Variants in KIF6 observed in about 807,000 individuals in gnomAD.
KIF6 encodes kinesin family member 6.
KIF6 carries 106 observed loss-of-function variants against 112.7 expected under a neutral mutation model. The ratio of observed to expected loss-of-function variants is 0.94; its 90% CI spans 0.80 to 1.11. The LOEUF (loss-of-function observed/expected upper bound fraction) is 1.11. Among genes scored for constraint, KIF6 ranks in the 50% least tolerant of loss-of-function variants. The probability of loss-of-function intolerance (pLI) is 0.00; values close to 1 mark genes in which losing one functional copy is unlikely to be tolerated. For missense variants in KIF6, 929 were observed against 964.0 expected (o/e 0.96, Z 0.48); for synonymous variants, 339 against 339.9 (o/e 1.00, Z 0.03).
At chr6:39,524,963 T>C (rs956907474) in intron 13 of KIF6, among the ~76,000 whole-genome samples, 2 of 152,310 alleles carry the variant, frequency 1.3e-5, no homozygotes, top group African/African-American at 4.8e-5. Context: ...AAATTATCTG[T>C]GTTCTGACTC....
intron 16 of KIF6, among the ~76,000 whole-genome samples, chr6:39,374,179 A>G (rs1049585901): frequency 6.6e-6 from 1 of 152,184 alleles, no homozygotes; most frequent in African/African-American, 2.4e-5. Context: ...CCACATGCTC[A>G]AGAATAAAAT....
At chr6:39,522,581 A>T (rs1777458785) in intron 13 of KIF6, among the ~76,000 whole-genome samples, 1 of 152,150 alleles carries the variant, frequency 6.6e-6, no homozygotes, top group African/African-American at 2.4e-5. Context: ...GCCTGCCCCT[A>T]CACTCTCTGA....
chr6:39,590,761 T>C (rs1781907837), intron 7 of KIF6, among the ~76,000 whole-genome samples: 1 of 152,116 alleles, frequency 6.6e-6, no homozygotes, highest in Non-Finnish European at 1.5e-5. Flanking sequence ...CCTGTTGATA[T>C]TAAATTAAAT....
At chr6:39,397,001 C>T (rs1421168952) in intron 15 of KIF6, among the ~76,000 whole-genome samples, 1 of 152,168 alleles carries the variant, frequency 6.6e-6, no homozygotes, top group Non-Finnish European at 1.5e-5. Context: ...GCCCAGCAGA[C>T]TTTGCTGAAG....
At chr6:39,605,316 C>A (rs1473218049) in intron 6 of KIF6, among the ~76,000 whole-genome samples, 1 of 151,836 alleles carries the variant, frequency 6.6e-6, no homozygotes, top group Non-Finnish European at 1.5e-5. Context: ...GAATTTTTTT[C>A]TTTTTTCTCT....
chr6:39,647,195 G>GC (rs1201193906), intron 3 of KIF6, among the ~76,000 whole-genome samples: 1 of 152,152 alleles, frequency 6.6e-6, no homozygotes, highest in Admixed American at 6.5e-5. Flanking sequence ...AAAATTTCCA[G>GC]CAAGATTTTG....
rs563412351 is a variant in KIF6, at chr6:39,437,065, T to G, written c.1646-5904A>C. Among the ~76,000 whole-genome samples, 7 of 152,314 alleles carry G rather than the reference T, an allele frequency of 4.6e-5. No homozygotes were observed. The East Asian group carries it at 5.8e-4, about 13-fold the overall frequency. On this transcript the variant is annotated intron_variant, in intron 13 of 22. Transcript: ENST00000287152. ...TTTCATCAGTATTTTGTAGTTCTCCTTGTAGAGATTTTTCACCTCATTTGT... is the reference window on the plus strand; with the variant it reads ...TTTCATCAGTATTTTGTAGTTCTCCGTGTAGAGATTTTTCACCTCATTTGT...
chr6:39,703,079 C>CT (rs1301835715), intron 3 of KIF6, among the ~76,000 whole-genome samples: 1 of 41,854 alleles, frequency 2.4e-5, no homozygotes, highest in Non-Finnish European at 7.6e-5. Context: ...CCACCAACCC[C>CT]CCACCCCCAC....
intron 3 of KIF6, among the ~76,000 whole-genome samples, chr6:39,655,281 GT>G (rs1380859135): frequency 6.6e-6 from 1 of 152,024 alleles, no homozygotes; most frequent in Non-Finnish European, 1.5e-5. Context: ...GGAACTGCCT[GT>G]TAATGTCCTT....
rs138539225 is a variant in KIF6, at chr6:39,708,648, A to G, written c.251+6044T>C. 9.4e-4 allele frequency among the ~76,000 whole-genome samples: 143 copies of G among 152,328 alleles called. 1 individual carries two copies. The highest frequency in any genetic ancestry group is 3.1e-3 in the African/African-American group (130 of 41,574). Reference sequence around the variant, plus strand: ...TCACTGCACATAAAGTAAATTTCCTACACCCCAAGCTTTTAGGTAAAACAT... The same window carrying G: ...TCACTGCACATAAAGTAAATTTCCTGCACCCCAAGCTTTTAGGTAAAACAT... On this transcript the variant is annotated intron_variant, in intron 3 of 22. Transcript: ENST00000287152.
intron 16 of KIF6, among the ~76,000 whole-genome samples, chr6:39,369,051 T>C (rs181732722): frequency 6.6e-6 from 1 of 152,318 alleles, no homozygotes; most frequent in Admixed American, 6.5e-5. Context: ...CACACAACCA[T>C]AGATCACTTC....
chr6:39,540,009 T>A lies in KIF6; in HGVS notation c.1639A>T (p.Lys547Ter). The A allele has an allele frequency of 6.3e-7, 1 of 1,599,036 alleles. No individual in the cohort carries two copies. The highest frequency in any genetic ancestry group is 8.5e-7 in the Non-Finnish European group (1 of 1,174,306). The part of the protein sequence containing the change: ...LGKRSSLLHK[K>*]IGMREEMSLG... ...GGAAATTTAGTCAACTGACCTATTT[T>A]CTTGTGGAGCAAACTGGATCTTTTC... The change falls in exon 13 of 23, where the codon AAA becomes TAA. Residue 547 changes from lysine (K) to a stop codon, truncating the protein, a stop_gained. Transcript: ENST00000287152. LOFTEE classifies it high-confidence loss of function.
intron 15 of KIF6, among the ~76,000 whole-genome samples, chr6:39,392,533 G>A (rs751886582): frequency 4.6e-5 from 7 of 152,120 alleles, no homozygotes; most frequent in African/African-American, 9.7e-5. Context: ...TCTTTAAAAA[G>A]AATAAGAAAT....
At chr6:39,462,354 C>G (rs766047842) in intron 13 of KIF6, among the ~76,000 whole-genome samples, 3 of 152,146 alleles carry the variant, frequency 2.0e-5, no homozygotes, top group African/African-American at 4.8e-5. Context: ...GAGGCAAACT[C>G]ATATGAAGAT....
intron 3 of KIF6, among the ~76,000 whole-genome samples, chr6:39,699,140 T>C (rs1442222458): frequency 2.6e-5 from 4 of 152,166 alleles, no homozygotes; most frequent in African/African-American, 9.7e-5. Context: ...AAGCTTGCAT[T>C]CTAGCAGAGG....
At chr6:39,523,499 T>C (rs1777512480) in intron 13 of KIF6, among the ~76,000 whole-genome samples, 1 of 151,262 alleles carries the variant, frequency 6.6e-6, no homozygotes, top group African/African-American at 2.4e-5. Flanking sequence ...CACCATCCTA[T>C]CCACACAAAC....
At chr6:39,665,910 C>T (rs926208419) in intron 3 of KIF6, among the ~76,000 whole-genome samples, 2 of 152,196 alleles carry the variant, frequency 1.3e-5, no homozygotes, top group Non-Finnish European at 2.9e-5. Flanking sequence ...TGCATACACT[C>T]ATATACAGAC....
intron 6 of KIF6, among the ~76,000 whole-genome samples, chr6:39,603,339 G>A (rs1219297435): frequency 6.6e-6 from 1 of 152,108 alleles, no homozygotes; most frequent in Non-Finnish European, 1.5e-5. Flanking sequence ...CCTGGATTGA[G>A]GCCAGGAGAG....
intron 13 of KIF6, among the ~76,000 whole-genome samples, chr6:39,500,518 T>C (rs1446526069): frequency 6.6e-6 from 1 of 152,168 alleles, no homozygotes; most frequent in African/African-American, 2.4e-5. Context: ...CACATTTTAT[T>C]AAAGGTGCTA....
Sources: gnomAD v4.1 joint callset for allele counts (sites outside exome capture counted in the v4.1 genomes callset) on GRCh38, gnomAD v4.1.1 for gene constraint, MANE v1.5 for transcripts, NCBI Gene and HGNC (gene_info 2026-07-23, HGNC 2026-07-21) for gene names.